The following SYN2 variants were observed in gnomAD, a reference collection of about 807,000 sequenced individuals.
SYN2 encodes the protein synapsin II.
A neutral mutation model predicts 50.9 loss-of-function variants in SYN2; 19 were observed. The ratio of observed to expected loss-of-function variants is 0.37; its 90% CI spans 0.26 to 0.55. The LOEUF (loss-of-function observed/expected upper bound fraction) is 0.55, where lower values mean the gene tolerates loss of function less well. SYN2 is among the 20% of genes least tolerant of loss of function. SYN2 has a pLI of 0.81. For synonymous variants in SYN2, 255 were observed against 224.9 expected (o/e 1.13, Z -1.20); for missense variants, 587 against 576.4 (o/e 1.02, Z -0.19).
At chr3:12,165,925 C>G (rs532362605) in intron 7 of SYN2, among the ~76,000 whole-genome samples, 4 of 151,328 alleles carry the variant, frequency 2.6e-5, no homozygotes, top group African/African-American at 9.7e-5. Context: ...TTATCTCATA[C>G]CTGTTTGGAC....
intron 1 of SYN2, chr3:12,070,258 A>G (rs762112315): frequency 8.6e-6 from 4 of 466,108 alleles, no homozygotes; most frequent in Non-Finnish European, 1.7e-5. Flanking sequence ...GGTCATTGAC[A>G]GTGTCTCCGG....
At chr3:12,172,735 C>A (rs975472036) in intron 10 of SYN2, among the ~76,000 whole-genome samples, 1 of 152,160 alleles carries the variant, frequency 6.6e-6, no homozygotes, top group African/African-American at 2.4e-5. Flanking sequence ...CAGAATAATA[C>A]CATGTGGCCT....
intron 1 of SYN2, among the ~76,000 whole-genome samples, chr3:12,065,788 C>G (rs938329109): frequency 6.6e-5 from 10 of 152,172 alleles, no homozygotes; most frequent in Non-Finnish European, 1.2e-4. Context: ...CAATCATAAA[C>G]CAAACCTCAG....
At chr3:12,186,931 A>G (rs1293067070) in intron 11 of SYN2, among the ~76,000 whole-genome samples, 4 of 152,198 alleles carry the variant, frequency 2.6e-5, no homozygotes, top group African/African-American at 9.7e-5. Context: ...AGTCACTGGT[A>G]GACTATTTCT....
intron 1 of SYN2, among the ~76,000 whole-genome samples, chr3:12,130,131 AGT>A (rs144774071): frequency 0.011 from 1,651 of 150,218 alleles, 20 homozygotes; most frequent in Non-Finnish European, 0.017. Context: ...TAGCAGCCCA[AGT>A]GTGTGTGTGT....
intron 11 of SYN2, chr3:12,184,275 T>C (rs1698292203): frequency 2.0e-6 from 2 of 985,794 alleles, no homozygotes; most frequent in African/African-American, 3.5e-5. Context: ...ATTTTGTGTG[T>C]GTTGATCTCA....
At chr3:12,042,656 C>T (rs1245051838) in intron 1 of SYN2, among the ~76,000 whole-genome samples, 3 of 152,154 alleles carry the variant, frequency 2.0e-5, no homozygotes, top group Non-Finnish European at 4.4e-5. Context: ...AGGTCCACCT[C>T]AAAATGTGAC....
At chr3:12,058,155 G>A (rs990115530) in intron 1 of SYN2, among the ~76,000 whole-genome samples, 1 of 152,148 alleles carries the variant, frequency 6.6e-6, no homozygotes, top group African/African-American at 2.4e-5. Context: ...CCATCTGGAG[G>A]TTGATTTGGT....
intron 7 of SYN2, among the ~76,000 whole-genome samples, chr3:12,166,322 A>G (rs528541318): frequency 5.3e-5 from 8 of 152,354 alleles, no homozygotes; most frequent in Non-Finnish European, 1.0e-4. Flanking sequence ...ATGAAGGCTG[A>G]TAATTAAAAA....
chr3:12,027,980 CTTTT>C (rs147917648), intron 1 of SYN2, among the ~76,000 whole-genome samples: 1 of 145,920 alleles, frequency 6.9e-6, no homozygotes, highest in Non-Finnish European at 1.5e-5. Context: ...TGCTCTACTT[CTTTT>C]TTTTATTTTT....
At chr3:12,123,887 T>G (rs1209756075) in intron 1 of SYN2, among the ~76,000 whole-genome samples, 1 of 152,126 alleles carries the variant, frequency 6.6e-6, no homozygotes, top group Non-Finnish European at 1.5e-5. Flanking sequence ...GGTGTGTGCC[T>G]GTAGTCCCAA....
intron 1 of SYN2, among the ~76,000 whole-genome samples, chr3:12,048,737 C>T (rs908873689): frequency 6.6e-6 from 1 of 151,948 alleles, no homozygotes; most frequent in African/African-American, 2.4e-5. Context: ...ACTATATTTC[C>T]CCCACTTAAA....
intron 1 of SYN2, among the ~76,000 whole-genome samples, chr3:12,058,894 C>T (rs1276783592): frequency 6.6e-6 from 1 of 152,192 alleles, no homozygotes; most frequent in African/African-American, 2.4e-5. Flanking sequence ...ATAAACCCAA[C>T]TTCTAGGGAT....
At chr3:12,082,512 T>C (rs1010111741) in intron 1 of SYN2, among the ~76,000 whole-genome samples, 1 of 152,230 alleles carries the variant, frequency 6.6e-6, no homozygotes, top group Admixed American at 6.5e-5. Flanking sequence ...TAAAGCTTGC[T>C]ATATTAACTC....
chr3:12,059,051 A>C (rs765146512), intron 1 of SYN2, among the ~76,000 whole-genome samples: 1 of 152,224 alleles, frequency 6.6e-6, no homozygotes, highest in Non-Finnish European at 1.5e-5. Context: ...GTTCTGTTAT[A>C]GAACTGAACT....
intron 1 of SYN2, among the ~76,000 whole-genome samples, chr3:12,008,235 A>G (rs1693838970): frequency 6.6e-6 from 1 of 152,136 alleles, no homozygotes; most frequent in Non-Finnish European, 1.5e-5. Flanking sequence ...TCATCCTGGC[A>G]TGATGTTTCA....
intron 1 of SYN2, among the ~76,000 whole-genome samples, chr3:12,063,315 A>G (rs911237744): frequency 6.6e-6 from 1 of 152,114 alleles, no homozygotes; most frequent in Non-Finnish European, 1.5e-5. Flanking sequence ...AACTCACTGA[A>G]ATGAATGAGG....
chr3:12,184,491 C>T (rs1210541590), intron 11 of SYN2: 1 of 985,752 alleles, frequency 1.0e-6, no homozygotes, highest in African/African-American at 1.7e-5. Flanking sequence ...TAATGGGAGA[C>T]CAAATCAAAA....
chr3:12,063,593 AG>A, intron 1 of SYN2, among the ~76,000 whole-genome samples: 1 of 152,186 alleles, frequency 6.6e-6, no homozygotes, highest in African/African-American at 2.4e-5. Flanking sequence ...AATGGATTAA[AG>A]TTGGAGACAT....
Sources: allele counts gnomAD v4.1 joint callset (sites outside exome capture counted in the v4.1 genomes callset), GRCh38; gene constraint gnomAD v4.1.1; transcripts MANE v1.5; gene names NCBI Gene and HGNC (gene_info 2026-07-23, HGNC 2026-07-21).